FBXL17: variants seen among roughly 807,000 people sequenced by gnomAD.
FBXL17 encodes the protein F-box and leucine rich repeat protein 17, also known as F-box/LRR-repeat protein 17.
Under a neutral mutation model 66.2 loss-of-function variants are expected in FBXL17, and 22 were observed. That is an observed-to-expected ratio of 0.33 (90% CI 0.24 to 0.47). FBXL17 has a LOEUF of 0.47. Among genes scored for constraint, FBXL17 ranks in the 20% least tolerant of loss-of-function variants. The probability of loss-of-function intolerance (pLI) is 1.00; values close to 1 mark genes in which losing one functional copy is unlikely to be tolerated. For synonymous variants in FBXL17, 474 were observed against 400.5 expected (o/e 1.18, Z -2.19); for missense variants, 878 against 948.2 (o/e 0.93, Z 0.97).
intron 7 of FBXL17, among the ~76,000 whole-genome samples, chr5:107,906,694 T>A (rs1440358975): frequency 6.6e-6 from 1 of 152,142 alleles, no homozygotes; most frequent in African/African-American, 2.4e-5. Flanking sequence ...GTAAAAACAT[T>A]TGAGTGGGGA....
chr5:107,887,339 TA>T (rs1749008188), intron 7 of FBXL17, among the ~76,000 whole-genome samples: 1 of 152,162 alleles, frequency 6.6e-6, no homozygotes, highest in Admixed American at 6.5e-5. Context: ...ATGTGAGAAC[TA>T]AAAATACATT....
chr5:107,980,645 A>AATATATATATATATATATATATATAT (rs61438456), intron 7 of FBXL17, among the ~76,000 whole-genome samples: 34 of 79,144 alleles, frequency 4.3e-4, no homozygotes, highest in South Asian at 9.0e-4. Context: ...CCAATAAAAT[A>AATATATATATATATATATATATATAT]ATATATATAT....
intron 4 of FBXL17, among the ~76,000 whole-genome samples, chr5:108,342,720 A>G (rs545259182): frequency 2.0e-5 from 3 of 152,348 alleles, no homozygotes; most frequent in South Asian, 4.1e-4. Flanking sequence ...CACTGGTAAA[A>G]TTGGATAAAA....
intron 6 of FBXL17, among the ~76,000 whole-genome samples, chr5:108,081,549 G>A (rs1389963185): frequency 1.3e-5 from 2 of 152,014 alleles, no homozygotes; most frequent in African/African-American, 4.8e-5. Context: ...GTGAAACCCC[G>A]TCTCTACTAA....
At chr5:108,026,386 C>G (rs1754827574) in intron 6 of FBXL17, among the ~76,000 whole-genome samples, 1 of 151,956 alleles carries the variant, frequency 6.6e-6, no homozygotes, top group South Asian at 2.1e-4. Flanking sequence ...ATGTTAAATC[C>G]ACTTTGTATT....
intron 3 of FBXL17, among the ~76,000 whole-genome samples, chr5:108,360,543 A>T (rs1748278805): frequency 6.6e-6 from 1 of 152,158 alleles, no homozygotes. Context: ...TGACAATTAT[A>T]CTATAATGTG....
intron 4 of FBXL17, among the ~76,000 whole-genome samples, chr5:108,334,230 G>A (rs1043864966): frequency 6.6e-6 from 1 of 152,148 alleles, no homozygotes; most frequent in African/African-American, 2.4e-5. Context: ...CTTCCACTCT[G>A]ACTTCTAATT....
intron 4 of FBXL17, among the ~76,000 whole-genome samples, chr5:108,226,102 A>G (rs1418812731): frequency 6.6e-6 from 1 of 152,030 alleles, no homozygotes; most frequent in East Asian, 1.9e-4. Flanking sequence ...TCTTCATAAC[A>G]CTTATCACTA....
chr5:108,357,683 C>T (rs1171574038), intron 3 of FBXL17, among the ~76,000 whole-genome samples: 6 of 151,002 alleles, frequency 4.0e-5, no homozygotes, highest in East Asian at 1.9e-4. Flanking sequence ...AGGAAAATGA[C>T]GAAAATACTC....
rs34291617 is a variant in FBXL17, at chr5:108,222,672, CTTT to C, written c.1614+1446_1614+1448del. On this transcript the variant is annotated intron_variant, in intron 5 of 8. Transcript: ENST00000542267. ...TCTAGCAATTTAGATACTATGGCAT[CTTT>C]TTTTTTTTTTTTTTTTTGAGACAGA... 4.4e-3 allele frequency among the ~76,000 whole-genome samples: 511 copies of C among 117,380 alleles called. 1 individual carries two copies. The highest frequency in any genetic ancestry group is 0.019 in the Middle Eastern group (4 of 216). 77.0% of individuals were successfully genotyped at this position (117,380 alleles called of 152,430 possible).
chr5:108,181,494 T>C (rs996830084), intron 6 of FBXL17, among the ~76,000 whole-genome samples: 3 of 152,170 alleles, frequency 2.0e-5, no homozygotes, highest in African/African-American at 7.2e-5. Flanking sequence ...CAGAGATCAA[T>C]TCAAGGACCA....
intron 4 of FBXL17, among the ~76,000 whole-genome samples, chr5:108,311,318 C>A (rs1400352709): frequency 6.6e-6 from 1 of 151,860 alleles, no homozygotes; most frequent in African/African-American, 2.4e-5. Context: ...ATTACAGGCG[C>A]CTGCCACCAT....
intron 6 of FBXL17, among the ~76,000 whole-genome samples, chr5:108,070,575 A>T (rs1748289840): frequency 6.6e-6 from 1 of 152,232 alleles, no homozygotes; most frequent in African/African-American, 2.4e-5. Context: ...CCATTGCATA[A>T]ATCAAAACAG....
At chr5:108,191,291 T>C (rs75183169) in intron 5 of FBXL17, among the ~76,000 whole-genome samples, 2,445 of 152,332 alleles carry the variant, frequency 0.016, 76 homozygotes, top group African/African-American at 0.055. Flanking sequence ...AGAGTTTCTA[T>C]GTGAATTCTT....
At chr5:108,126,495 G>A (rs1258271042) in intron 6 of FBXL17, among the ~76,000 whole-genome samples, 2 of 151,570 alleles carry the variant, frequency 1.3e-5, no homozygotes, top group African/African-American at 4.8e-5. Context: ...TAACATTCTA[G>A]ACAGCTAAGA....
intron 7 of FBXL17, among the ~76,000 whole-genome samples, chr5:107,912,827 G>T (rs1262825814): frequency 6.6e-6 from 1 of 152,096 alleles, no homozygotes. Context: ...AATAAGGAAA[G>T]TGCACAATTT....
At chr5:108,347,792 G>A (rs761090186) in intron 4 of FBXL17, among the ~76,000 whole-genome samples, 8 of 152,174 alleles carry the variant, frequency 5.3e-5, no homozygotes, top group Non-Finnish European at 7.4e-5. Context: ...ACTAAAAACC[G>A]ATGAGTTGTA....
At chr5:107,894,664 T>C (rs1749313548) in intron 7 of FBXL17, among the ~76,000 whole-genome samples, 1 of 152,166 alleles carries the variant, frequency 6.6e-6, no homozygotes, top group African/African-American at 2.4e-5. Flanking sequence ...GGGGACATTA[T>C]ATATAAATCT....
intron 4 of FBXL17, among the ~76,000 whole-genome samples, chr5:108,289,745 G>C (rs1758037890): frequency 6.6e-6 from 1 of 152,094 alleles, no homozygotes; most frequent in African/African-American, 2.4e-5. Context: ...CTAAGTTCCA[G>C]TTTCCTATGT....
Sources: allele counts gnomAD v4.1 joint callset (sites outside exome capture counted in the v4.1 genomes callset), GRCh38; gene constraint gnomAD v4.1.1; transcripts MANE v1.5; gene names NCBI Gene and HGNC (gene_info 2026-07-23, HGNC 2026-07-21).